The following ATP1A2 variants were observed in gnomAD, a reference collection of about 807,000 sequenced individuals.
ATP1A2 encodes sodium/potassium-transporting ATPase subunit alpha-2.
Under a neutral mutation model 113.1 loss-of-function variants are expected in ATP1A2, and 56 were observed. The observed-to-expected ratio is 0.49, with a 90% confidence interval of 0.40 to 0.62. The LOEUF (loss-of-function observed/expected upper bound fraction) is 0.62, where lower values mean the gene tolerates loss of function less well. ATP1A2 is among the 20% of genes least tolerant of loss of function. The pLI is 0.00. For missense variants in ATP1A2, 712 were observed against 1,357.8 expected (o/e 0.52, Z 7.47); for synonymous variants, 490 against 526.8 (o/e 0.93, Z 0.96).
chr1:160,141,140 C>T lies in ATP1A2; in HGVS notation c.3035-154C>T, dbSNP rs563356605. ...GGATTACAGGCATGAGCCACTGCAC[C>T]CAGCCTCCTTCCACCTTCCTAAGCC... On this transcript the variant is annotated intron_variant, in intron 22 of 22. Transcript: ENST00000361216. 5.8e-4 allele frequency among the ~76,000 whole-genome samples: 89 copies of T among 152,262 alleles called. 2 individuals are homozygous for T. In the South Asian group the frequency reaches 0.018, roughly 32 times the overall value.
intron 14 of ATP1A2, 131 bp downstream of exon 14, chr1:160,134,751 G>A (rs942323838): frequency 1.5e-6 from 2 of 1,351,518 alleles, no homozygotes; most frequent in South Asian, 1.2e-5. Context: ...ACACTATTGT[G>A]ACTGGTTCCT....
In ATP1A2 at chr1:160,140,153, G is replaced by C. The variant is rs1652090299; in HGVS notation, c.3034+169G>C. The C allele has an allele frequency of 1.6e-5, 11 of 685,796 alleles. No individual in the cohort carries two copies. The South Asian group carries it at 1.8e-4, about 11-fold the overall frequency. 42.5% of individuals were successfully genotyped at this position (685,796 alleles called of 1,614,324 possible). On this transcript the variant is annotated intron_variant, in intron 22 of 22. Coordinates refer to ENST00000361216, the MANE Select transcript of ATP1A2 (RefSeq NM_000702.4). ...GAGCCCTGACTCTTTCGAACCTGTTGTCTCTGCCCTCTTCCCATCAGATTC... is the reference window on the plus strand; with the variant it reads ...GAGCCCTGACTCTTTCGAACCTGTTCTCTCTGCCCTCTTCCCATCAGATTC...
Position 160,121,256 on chromosome 1 carries a change from G to C in ATP1A2, c.177+5G>C. 6.2e-7 allele frequency: 1 copy of C among 1,614,248 alleles called. No homozygotes were observed. The highest frequency in any genetic ancestry group is 1.1e-5 in the South Asian group (1 of 91,090). ...TACCAAGTGGACCTGTCCAAGGTGA[G>C]TGGAGGGGCTTCTAGGGAAGGAACA... is the stretch of plus-strand genomic sequence containing the variant. On this transcript the variant is annotated splice_donor_5th_base_variant and intron_variant, in intron 3 of 22. Coordinates refer to ENST00000361216, the MANE Select transcript of ATP1A2 (RefSeq NM_000702.4).
rs758710770 is a variant in ATP1A2 at position 160,127,539 on chromosome 1, C to T, written c.749-13C>T. 6.2e-7 allele frequency: 1 copy of T among 1,614,122 alleles called. No homozygotes were observed. The highest frequency in any genetic ancestry group is 8.5e-7 in the Non-Finnish European group (1 of 1,180,038). On this transcript the variant is annotated splice_polypyrimidine_tract_variant and intron_variant, in intron 7 of 22. Transcript: ENST00000361216. Reference sequence around the variant, plus strand: ...CCACAAGGCACCCAACCTGATGCCCCACCATGTTGCAGGCACTGCCAGGGG... The same window carrying T: ...CCACAAGGCACCCAACCTGATGCCCTACCATGTTGCAGGCACTGCCAGGGG...
chr1:160,134,392 C>T (rs143868137), intron 13 of ATP1A2, 92 bp from the exon 14 acceptor site: 69 of 1,584,560 alleles, frequency 4.4e-5, no homozygotes, highest in African/African-American at 4.2e-4. Context: ...CCAGACATCT[C>T]GCTATCTAGC....
rs115473386 is a variant in ATP1A2 at position 160,135,400 on chromosome 1, G to A, written c.2116-34G>A. ...GGCGAGGAGCCAGGCTTGGGAAGGG[G>A]TTTCGTCCTCAAGTGTGGCCGTCTT... On this transcript the variant is annotated intron_variant, in intron 15 of 22. Coordinates refer to ENST00000361216, the MANE Select transcript of ATP1A2 (RefSeq NM_000702.4). This position sits in a 1 kb window ranked among gnomAD's most constrained non-coding sequence, Gnocchi z 6.3. The A allele has an allele frequency of 5.5e-5, 88 of 1,614,170 alleles. No homozygotes were observed. In the African/African-American group the frequency reaches 1.1e-3, roughly 19 times the overall value.
In ATP1A2 at chr1:160,138,992, G is replaced by A. The variant is rs192349209; in HGVS notation, c.2841-648G>A. Among the ~76,000 whole-genome samples the A allele has an allele frequency of 2.4e-4, 37 of 152,276 alleles. 1 individual carries two copies. In the East Asian group the frequency reaches 6.4e-3, roughly 26 times the overall value. On this transcript the variant is annotated intron_variant, in intron 20 of 22. Transcript: ENST00000361216. ...AATCTCCATTTGATAGAGAAGGAAC[G>A]TGAGGCTCAGAGAAATTCAACATTG...
At chr1:160,137,067 G>T in intron 20 of ATP1A2, 36 bp downstream of exon 20, 2 of 1,613,530 alleles carry the variant, frequency 1.2e-6, no homozygotes, top group Admixed American at 1.7e-5. Context: ...ACCCACCCAG[G>T]CTCTGGGCAC....
intron 8 of ATP1A2, 52 bp from the exon 9 acceptor site, chr1:160,128,600 G>A (rs551031181): frequency 6.2e-7 from 1 of 1,613,258 alleles, no homozygotes; most frequent in African/African-American, 1.3e-5. Flanking sequence ...TAAGGTTATG[G>A]CCATCTCCGG....
chr1:160,141,323 C>G lies in ATP1A2; in HGVS notation c.*1C>G, dbSNP rs1215582819. ...GGTGGAGAAGGAGACATACTACTGA[C>G]CCCATTGGAAGAAGAACCAGGCATG... is the stretch of plus-strand genomic sequence containing the variant. On this transcript the variant is annotated 3_prime_UTR_variant, in exon 23 of 23. Coordinates refer to ENST00000361216, the MANE Select transcript of ATP1A2 (RefSeq NM_000702.4). The G allele has an allele frequency of 6.2e-7, 1 of 1,614,060 alleles. No individual in the cohort carries two copies. Among genetic ancestry groups the G allele is most frequent in the African/African-American group, 1.3e-5 (1 of 75,018 alleles).
chr1:160,125,540 C>T (rs759490780), intron 7 of ATP1A2: 2 of 445,044 alleles, frequency 4.5e-6, no homozygotes, highest in Non-Finnish European at 8.4e-6. Flanking sequence ...TTAAGAACCC[C>T]TTACGCATGC....
chr1:160,131,743 A>G (rs1651781785), intron 13 of ATP1A2, among the ~76,000 whole-genome samples: 1 of 152,104 alleles, frequency 6.6e-6, no homozygotes, highest in Non-Finnish European at 1.5e-5. Context: ...AGGCAGGAGA[A>G]TCACTTGAAC....
At position 160,124,403 on chromosome 1, in the gene ATP1A2, C is replaced by T. The variant is rs781299700; in HGVS notation, c.603C>T (p.Leu201=). 1 of 1,611,340 alleles carries T rather than the reference C, an allele frequency of 6.2e-7. No individual in the cohort carries two copies. The highest frequency in any genetic ancestry group is 8.5e-7 in the Non-Finnish European group (1 of 1,178,962). The change falls in exon 6 of 23, where the codon CTC becomes CTT. Residue 201 remains leucine, a synonymous_variant. Transcript: ENST00000361216. The stretch of plus-strand genomic sequence containing the variant: ...GTGGAGACCGCGTCCCTGCTGACCT[C>T]CGGATCATCTCTTCTCATGGCTGTA... ...VKGGDRVPAD[L]RIISSHGCKV...
At position 160,115,791 on chromosome 1, in the gene ATP1A2, C is replaced by G; in HGVS notation, c.-71C>G. 6.4e-7 allele frequency: 1 copy of G among 1,555,498 alleles called. No individual in the cohort carries two copies. The highest frequency in any genetic ancestry group is 1.2e-5 in the South Asian group (1 of 84,774). Reference sequence around the variant, plus strand: ...TGCCAGGGTCTCCGACTGTCCCAGACGGGCTGGTGTGGGCTTGGGATCCTC... The same window carrying G: ...TGCCAGGGTCTCCGACTGTCCCAGAGGGGCTGGTGTGGGCTTGGGATCCTC... On this transcript the variant is annotated 5_prime_UTR_variant, in exon 1 of 23. Transcript: ENST00000361216.
chr1:160,129,343 G>A lies in ATP1A2; in HGVS notation c.1404G>A (p.Met468Ile), dbSNP rs1424254987. 1 of 1,614,174 alleles carries A rather than the reference G, an allele frequency of 6.2e-7. No homozygotes were observed. Among genetic ancestry groups the A allele is most frequent in the Non-Finnish European group, 8.5e-7 (1 of 1,180,038 alleles). Reference sequence around the variant, plus strand: ...TCTCCTGTGGCTCAGTGAGGAAAATGAGAGACAGAAACCCCAAGGTGGCAG... The same window carrying A: ...TCTCCTGTGGCTCAGTGAGGAAAATAAGAGACAGAAACCCCAAGGTGGCAG... The part of the protein sequence containing the change: ...IELSCGSVRK[M>I]RDRNPKVAEI... The change falls in exon 11 of 23, where the codon ATG becomes ATA. Residue 468 changes from methionine (M) to isoleucine (I), a missense_variant. Met to Ile is a conservative substitution (Grantham distance 10). This residue lies in a region of ATP1A2 where 263 missense variants were observed against 380.6 expected (regional missense o/e 0.69). Coordinates refer to ENST00000361216, the MANE Select transcript of ATP1A2 (RefSeq NM_000702.4).
chr1:160,137,310 C>T, intron 20 of ATP1A2: 1 of 477,414 alleles, frequency 2.1e-6, no homozygotes, highest in Non-Finnish European at 3.8e-6. Flanking sequence ...CCACCTGCTC[C>T]TATCCTTTGC....
At chr1:160,115,931 A>G in intron 1 of ATP1A2, 58 bp downstream of exon 1, 1 of 1,582,606 alleles carries the variant, frequency 6.3e-7, no homozygotes, top group East Asian at 2.3e-5. Flanking sequence ...GCTGCTGAGG[A>G]AGGATGAAGT....
At position 160,135,727 on chromosome 1, in the gene ATP1A2, C is replaced by T; in HGVS notation, c.2285-112C>T. 1.2e-6 allele frequency: 2 copies of T among 1,610,042 alleles called. No individual in the cohort carries two copies. The highest frequency in any genetic ancestry group is 1.7e-6 in the Non-Finnish European group (2 of 1,177,264). ...TAGGCAGCCCAGCCCACTTTAGCTTCCCTTGAACACAAAATCTTCCTCTCT... is the reference window on the plus strand; with the variant it reads ...TAGGCAGCCCAGCCCACTTTAGCTTTCCTTGAACACAAAATCTTCCTCTCT... On this transcript the variant is annotated intron_variant, in intron 16 of 22. Transcript: ENST00000361216. This position sits in a 1 kb window ranked among gnomAD's most constrained non-coding sequence, Gnocchi z 6.3.
chr1:160,139,927 C>A lies in ATP1A2; in HGVS notation c.2977C>A (p.Leu993Ile), dbSNP rs1303848624. ...GTGGTTCTGCGCCTTCCCCTACAGC[C>A]TCCTCATCTTCATCTATGATGAGGT... ...TWWFCAFPYS[L>I]LIFIYDEVRK... The change falls in exon 22 of 23, where the codon CTC becomes ATC. Residue 993 changes from leucine to isoleucine, a missense_variant. Physicochemically the swap from Leu to Ile is conservative, Grantham distance 5 (BLOSUM62 2). Around this residue, in one of 6 missense-constraint regions of ATP1A2, gnomAD observed 188 missense variants for 438.9 expected, o/e 0.43. Transcript: ENST00000361216. 2 of 1,614,200 alleles carry A rather than the reference C, an allele frequency of 1.2e-6. No individual in the cohort carries two copies. Among genetic ancestry groups the A allele is most frequent in the African/African-American group, 1.3e-5 (1 of 75,050 alleles).
Sources: gnomAD v4.1 joint callset for allele counts (sites outside exome capture counted in the v4.1 genomes callset) on GRCh38, gnomAD v4.1.1 for gene constraint, gnomAD v4.1.1 regional missense constraint, Gnocchi (gnomAD v3.1) non-coding constraint, MANE v1.5 for transcripts, NCBI Gene and HGNC (gene_info 2026-07-23, HGNC 2026-07-21) for gene names.